GSDMC: variants seen among roughly 807,000 people sequenced by gnomAD.
The protein encoded by GSDMC is gasdermin C, also known as gasdermin-C.
GSDMC carries 59 observed loss-of-function variants against 58.0 expected under a neutral mutation model. The ratio of observed to expected loss-of-function variants is 1.02; its 90% CI spans 0.82 to 1.26. The LOEUF is 1.26. Among genes scored for constraint, GSDMC ranks in the 50% most tolerant of loss-of-function variants. GSDMC has a pLI of 0.00. For synonymous variants in GSDMC, 241 were observed against 220.2 expected (o/e 1.09, Z -0.83); for missense variants, 659 against 598.5 (o/e 1.10, Z -1.06).
intron 3 of GSDMC, 131 bp downstream of exon 3, chr8:129,775,971 T>C (rs902216999): frequency 2.1e-5 from 14 of 669,340 alleles, no homozygotes; most frequent in Non-Finnish European, 3.3e-5. Context: ...TCAAGAAGAG[T>C]AGCAAAATCT....
chr8:129,740,594 C>T, the GSDMC span, among the ~76,000 whole-genome samples: 1 of 152,108 alleles, frequency 6.6e-6, no homozygotes, highest in African/African-American at 2.4e-5. Context: ...TACCATATAG[C>T]TTAGGTGTGC....
At chr8:129,713,588 A>G in the GSDMC span, among the ~76,000 whole-genome samples, 8 of 152,196 alleles carry the variant, frequency 5.3e-5, no homozygotes, top group Non-Finnish European at 8.8e-5. Flanking sequence ...AAATACCCAG[A>G]CAGCTCCGGA....
At chr8:129,779,089 C>A (rs925694479) in intron 1 of GSDMC, among the ~76,000 whole-genome samples, 1 of 152,154 alleles carries the variant, frequency 6.6e-6, no homozygotes, top group South Asian at 2.1e-4. Flanking sequence ...TACCATCTGA[C>A]CCAGCAAGCT....
At chr8:129,735,139 C>T in the GSDMC span, among the ~76,000 whole-genome samples, 2 of 152,144 alleles carry the variant, frequency 1.3e-5, no homozygotes, top group Admixed American at 6.5e-5. Context: ...AATACAGGAG[C>T]ACCCAGATTC....
chr8:129,738,483 G>T, the GSDMC span, among the ~76,000 whole-genome samples: 2 of 152,150 alleles, frequency 1.3e-5, no homozygotes, highest in African/African-American at 2.4e-5. Context: ...CCATAAAAAA[G>T]GTTGAGTTCA....
the GSDMC span, among the ~76,000 whole-genome samples, chr8:129,708,664 C>T: frequency 6.6e-6 from 1 of 152,394 alleles, no homozygotes; most frequent in East Asian, 1.9e-4. Context: ...GCACTGGCCA[C>T]GCAGCCAAGT....
At chr8:129,730,789 A>G in the GSDMC span, among the ~76,000 whole-genome samples, 8 of 152,212 alleles carry the variant, frequency 5.3e-5, no homozygotes, top group Non-Finnish European at 1.0e-4. Context: ...GGTATGATTC[A>G]TAAGTCCTAA....
At chr8:129,709,434 T>C in the GSDMC span, among the ~76,000 whole-genome samples, 2 of 152,150 alleles carry the variant, frequency 1.3e-5, no homozygotes, top group African/African-American at 4.8e-5. Flanking sequence ...AAAAGGTAGA[T>C]GATAGATGGC....
intron 11 of GSDMC, 74 bp from the exon 12 acceptor site, chr8:129,750,193 G>A (rs1224268014): frequency 8.0e-7 from 1 of 1,256,800 alleles, no homozygotes; most frequent in East Asian, 2.6e-5. Context: ...TGTGTCTACT[G>A]GTGATAACCA....
At chr8:129,767,440 T>C (rs551363480) in intron 3 of GSDMC, among the ~76,000 whole-genome samples, 9 of 151,906 alleles carry the variant, frequency 5.9e-5, no homozygotes, top group Admixed American at 5.9e-4. Context: ...TGACTCTGCC[T>C]AACTGTGGAG....
At chr8:129,725,608 G>T in the GSDMC span, among the ~76,000 whole-genome samples, 7 of 152,144 alleles carry the variant, frequency 4.6e-5, no homozygotes, top group African/African-American at 1.7e-4. Flanking sequence ...GTCTCGCCAC[G>T]ACCACAATAT....
At chr8:129,740,936 C>T in the GSDMC span, among the ~76,000 whole-genome samples, 8 of 152,216 alleles carry the variant, frequency 5.3e-5, no homozygotes, top group African/African-American at 1.9e-4. Context: ...TGTCATGGAG[C>T]TTTTCCCTAT....
chr8:129,731,870 A>G, the GSDMC span, among the ~76,000 whole-genome samples: 1 of 152,250 alleles, frequency 6.6e-6, no homozygotes, highest in Non-Finnish European at 1.5e-5. Context: ...GCCCAGCCAC[A>G]TTGACACCTA....
chr8:129,762,751 A>G lies in GSDMC; in HGVS notation c.571-20T>C. ...TTGACCCTGGGGAGAGAAACCAGAC[A>G]ATACAGTATTAAATGTATGTAATTT... is the stretch of plus-strand genomic sequence containing the variant. On this transcript the variant is annotated intron_variant, in intron 4 of 13. Coordinates refer to ENST00000276708, the MANE Select transcript of GSDMC (RefSeq NM_031415.3). The G allele has an allele frequency of 6.7e-7, 1 of 1,488,626 alleles. No individual in the cohort carries two copies. The highest frequency in any genetic ancestry group is 9.4e-7 in the Non-Finnish European group (1 of 1,065,422). 92.2% of individuals were successfully genotyped at this position (1,488,626 alleles called of 1,614,324 possible). A position where few individuals can be genotyped will look rare whatever the true frequency, so the allele number is the denominator to read the frequency against.
rs367936149 is a variant in GSDMC at position 129,765,101 on chromosome 8, T to C, written c.570+527A>G. Among the ~76,000 whole-genome samples, 25 of 152,330 alleles carry C rather than the reference T, an allele frequency of 1.6e-4. 1 individual carries two copies. The South Asian group carries it at 5.2e-3, about 32-fold the overall frequency. On this transcript the variant is annotated intron_variant, in intron 4 of 13. Coordinates refer to ENST00000276708, the MANE Select transcript of GSDMC (RefSeq NM_031415.3). ...GCCCTTGACCCATACTTAATCTGAA[T>C]AGTTGATAAATGAATTTATTTATAT...
At position 129,776,245 on chromosome 8, in the gene GSDMC, C is replaced by G; in HGVS notation, c.261G>C (p.Met87Ile). The G allele has an allele frequency of 6.2e-7, 1 of 1,613,518 alleles. No homozygotes were observed. The highest frequency in any genetic ancestry group is 8.5e-7 in the Non-Finnish European group (1 of 1,179,726). Residue 87 changes from methionine (M) to isoleucine (I), a missense_variant, in exon 3 of 14, where the codon ATG (methionine) becomes ATC (isoleucine). By Grantham distance (10) the Met-to-Ile change is conservative. Coordinates refer to ENST00000276708, the MANE Select transcript of GSDMC (RefSeq NM_031415.3). ...VTGPFHFSDI[M>I]IQKHKADMGV... Reference sequence around the variant, plus strand: ...CCATGTCAGCCTTATGCTTCTGGATCATAATGTCACTGAAGTGGAACGGTC... The same window carrying G: ...CCATGTCAGCCTTATGCTTCTGGATGATAATGTCACTGAAGTGGAACGGTC...
chr8:129,715,217 G>A, the GSDMC span, among the ~76,000 whole-genome samples: 3 of 152,248 alleles, frequency 2.0e-5, no homozygotes, highest in African/African-American at 2.4e-5. Flanking sequence ...AATACTCAGA[G>A]GGTCTTCTTA....
chr8:129,739,689 G>A, the GSDMC span, among the ~76,000 whole-genome samples: 1 of 152,090 alleles, frequency 6.6e-6, no homozygotes, highest in Non-Finnish European at 1.5e-5. Flanking sequence ...CTACTTCACA[G>A]CCAGCCATAT....
chr8:129,771,010 C>G (rs1031649531), intron 3 of GSDMC, among the ~76,000 whole-genome samples: 3 of 150,022 alleles, frequency 2.0e-5, no homozygotes, highest in Non-Finnish European at 4.4e-5. Flanking sequence ...CACGCAGACA[C>G]ATTTTTTTAT....
Sources: allele counts gnomAD v4.1 joint callset (sites outside exome capture counted in the v4.1 genomes callset), GRCh38; gene constraint gnomAD v4.1.1; transcripts MANE v1.5; gene names NCBI Gene and HGNC (gene_info 2026-07-23, HGNC 2026-07-21).